Variants in TTC21B observed in about 807,000 individuals in gnomAD.
The protein encoded by TTC21B is tetratricopeptide repeat protein 21B.
TTC21B carries 127 observed loss-of-function variants against 175.1 expected under a neutral mutation model. The observed-to-expected ratio is 0.73, with a 90% CI of 0.63 to 0.84. TTC21B has a LOEUF of 0.84. TTC21B is among the 40% of genes least tolerant of loss of function. The probability of loss-of-function intolerance (pLI) is 0.00; values close to 1 mark genes in which losing one functional copy is unlikely to be tolerated. For synonymous variants in TTC21B, 524 were observed against 524.5 expected (o/e 1.00, Z 0.01); for missense variants, 1,561 against 1,558.3 (o/e 1.00, Z -0.03).
chr2:165,917,333 T>A lies in TTC21B; in HGVS notation c.1823A>T (p.Lys608Ile), dbSNP rs1230994118. The A allele has an allele frequency of 1.2e-6, 2 of 1,614,214 alleles. No individual in the cohort carries two copies. The highest frequency in any genetic ancestry group is 2.2e-5 in the South Asian group (2 of 91,088). Residue 608 changes from lysine (K) to isoleucine (I), a missense_variant, in exon 14 of 29, where the codon AAA (lysine) becomes ATA (isoleucine). Physicochemically the swap from Lys to Ile is moderately radical, Grantham distance 102 (BLOSUM62 -3). Coordinates refer to ENST00000243344, the MANE Select transcript of TTC21B (RefSeq NM_024753.5). ...IGASTKSKDRKTEVDTSHRLS... is the reference protein window; with the variant it reads ...IGASTKSKDRITEVDTSHRLS... ...ACGATGGCTTGTATCAACTTCAGTT[T>A]TTCTGTCTTTTGATTTTGTGGAAGC...
chr2:165,882,980 G>C (rs1684885604), intron 26 of TTC21B, among the ~76,000 whole-genome samples: 1 of 151,966 alleles, frequency 6.6e-6, no homozygotes, highest in Non-Finnish European at 1.5e-5. Flanking sequence ...CAAATGCTTG[G>C]ATCTTTCAGG....
At chr2:165,938,920 G>A (rs1413112384) in intron 6 of TTC21B, among the ~76,000 whole-genome samples, 1 of 152,090 alleles carries the variant, frequency 6.6e-6, no homozygotes, top group East Asian at 1.9e-4. Flanking sequence ...TTGGTAATTT[G>A]AACACTGGAT....
At chr2:165,902,860 A>C (rs1322201910) in intron 19 of TTC21B, among the ~76,000 whole-genome samples, 1 of 152,226 alleles carries the variant, frequency 6.6e-6, no homozygotes, top group Admixed American at 6.5e-5. Context: ...GTACCTCTAC[A>C]CATCAAGATG....
intron 5 of TTC21B, among the ~76,000 whole-genome samples, chr2:165,941,828 T>C (rs7557187): frequency 0.015 from 2,234 of 152,262 alleles, 68 homozygotes; most frequent in African/African-American, 0.052. Context: ...AATGATGATA[T>C]AAATTTGTAG....
chr2:165,951,447 A>AT (rs1011175526), intron 1 of TTC21B, among the ~76,000 whole-genome samples: 2 of 152,174 alleles, frequency 1.3e-5, no homozygotes, highest in African/African-American at 2.4e-5. Flanking sequence ...TGTTAATGGA[A>AT]TAAAAAAAAA....
At chr2:165,930,443 T>C in intron 8 of TTC21B, 79 bp from the exon 9 acceptor site, 1 of 1,069,362 alleles carries the variant, frequency 9.4e-7, no homozygotes, top group Non-Finnish European at 1.3e-6. Flanking sequence ...TTTCTAAATA[T>C]ATATATTATT....
At chr2:165,938,766 G>A (rs962599083) in intron 6 of TTC21B, among the ~76,000 whole-genome samples, 1 of 151,970 alleles carries the variant, frequency 6.6e-6, no homozygotes, top group Non-Finnish European at 1.5e-5. Context: ...AAGGAAGGGA[G>A]AGGGAAAGAA....
At chr2:165,927,084 A>C (rs1410181239) in intron 11 of TTC21B, among the ~76,000 whole-genome samples, 2 of 50,096 alleles carry the variant, frequency 4.0e-5, no homozygotes, top group African/African-American at 8.3e-5. Context: ...ATATATATAT[A>C]TCCTAGTAGA....
At chr2:165,901,475 C>T (rs915576690) in intron 20 of TTC21B, among the ~76,000 whole-genome samples, 28 of 152,012 alleles carry the variant, frequency 1.8e-4, no homozygotes, top group African/African-American at 6.5e-4. Flanking sequence ...AGGCGCCCCC[C>T]ACCACGCTGG....
chr2:165,907,911 T>C, intron 18 of TTC21B, 127 bp from the exon 19 acceptor site: 1 of 655,586 alleles, frequency 1.5e-6, no homozygotes, highest in South Asian at 1.9e-5. Flanking sequence ...GGTTAAAATT[T>C]TCTCAATCAG....
At chr2:165,901,616 C>A (rs1164822291) in intron 20 of TTC21B, 106 bp downstream of exon 20, 13 of 1,132,904 alleles carry the variant, frequency 1.1e-5, no homozygotes, top group African/African-American at 1.5e-5. Context: ...AGCCACTGCA[C>A]CCTGCCTACA....
At position 165,885,491 on chromosome 2, in the gene TTC21B, T is replaced by C. The variant is rs377233721; in HGVS notation, c.3460-1473A>G. Among the ~76,000 whole-genome samples the C allele has an allele frequency of 7.9e-5, 12 of 152,306 alleles. No homozygotes were observed. The South Asian group carries it at 2.5e-3, about 32-fold the overall frequency. On this transcript the variant is annotated intron_variant, in intron 25 of 28. Transcript: ENST00000243344. ...TGAGTGTCAAATCCAACCAACTGGT[T>C]GTAGGTTATGAAGAAGTGTGGGATG...
intron 21 of TTC21B, among the ~76,000 whole-genome samples, chr2:165,899,041 C>A (rs1685465207): frequency 6.6e-6 from 1 of 152,024 alleles, no homozygotes. Flanking sequence ...GTTTTAAAAA[C>A]AGAAATTTGA....
rs1192441930 is a variant in TTC21B at position 165,929,726 on chromosome 2, A to G, written c.1109T>C (p.Ile370Thr). 2.5e-6 allele frequency: 4 copies of G among 1,612,046 alleles called. No individual in the cohort carries two copies. The highest frequency in any genetic ancestry group is 2.2e-5 in the South Asian group (2 of 91,056). ...ATCTGCATCCTGTAATTGCCCTTCTATCAACTGACATTGGATAAATCCTAA... is the reference window on the plus strand; with the variant it reads ...ATCTGCATCCTGTAATTGCCCTTCTGTCAACTGACATTGGATAAATCCTAA... ...ALVGFIQCQL[I>T]EGQLQDADQQ... Residue 370 changes from isoleucine (I) to threonine (T), a missense_variant, in exon 10 of 29, where the codon ATA becomes ACA. Transcript: ENST00000243344.
At chr2:165,914,332 C>A (rs553218319) in intron 15 of TTC21B, among the ~76,000 whole-genome samples, 2 of 152,190 alleles carry the variant, frequency 1.3e-5, no homozygotes, top group East Asian at 3.9e-4. Context: ...TATAGTACAT[C>A]AAAAATAAAT....
chr2:165,945,749 G>C (rs1315015499), intron 3 of TTC21B, 59 bp from the exon 4 acceptor site: 39 of 1,558,396 alleles, frequency 2.5e-5, no homozygotes, highest in Non-Finnish European at 3.2e-5. Context: ...ATTTATAATA[G>C]GTCAGATAAT....
intron 21 of TTC21B, among the ~76,000 whole-genome samples, chr2:165,899,562 A>G (rs1685482838): frequency 6.6e-6 from 1 of 152,226 alleles, no homozygotes; most frequent in Non-Finnish European, 1.5e-5. Flanking sequence ...GGGCATGTAA[A>G]AGCCTGACCT....
At chr2:165,934,407 C>A (rs1418338399) in intron 6 of TTC21B, among the ~76,000 whole-genome samples, 1 of 146,042 alleles carries the variant, frequency 6.8e-6, no homozygotes, top group East Asian at 2.1e-4. Context: ...GAGGCTGAGG[C>A]ATGAGAATCA....
At chr2:165,931,122 T>A (rs1045044807) in intron 8 of TTC21B, among the ~76,000 whole-genome samples, 1 of 152,122 alleles carries the variant, frequency 6.6e-6, no homozygotes, top group Non-Finnish European at 1.5e-5. Context: ...TTACACAATC[T>A]GATATCTTTG....
Sources: gnomAD v4.1 joint callset for allele counts (sites outside exome capture counted in the v4.1 genomes callset) on GRCh38, gnomAD v4.1.1 for gene constraint, MANE v1.5 for transcripts, NCBI Gene and HGNC (gene_info 2026-07-23, HGNC 2026-07-21) for gene names.